PTPRD: variants seen among roughly 807,000 people sequenced by gnomAD.
PTPRD encodes protein tyrosine phosphatase receptor type D, also known as receptor-type tyrosine-protein phosphatase delta.
In PTPRD, 34 loss-of-function variants were observed where a neutral mutation model predicts 214.5. The observed-to-expected ratio is 0.16, with a 90% CI of 0.12 to 0.21. PTPRD has a LOEUF of 0.21. Among genes scored for constraint, PTPRD ranks in the 10% least tolerant of loss-of-function variants. PTPRD has a pLI of 1.00. For missense variants in PTPRD, 2,545 were observed against 2,398.7 expected, an observed-to-expected ratio of 1.06 and a Z score of -1.27; for synonymous variants, 1,128 against 845.7, an observed-to-expected ratio of 1.33 and a Z score of -5.79.
chr9:10,416,571 G>T (rs1242234640), intron 2 of PTPRD, among the ~76,000 whole-genome samples: 1 of 151,866 alleles, frequency 6.6e-6, no homozygotes, highest in Non-Finnish European at 1.5e-5. Context: ...AACAGCTTAT[G>T]AGAAAACAAA....
chr9:10,163,043 A>G (rs2099138668), intron 3 of PTPRD, among the ~76,000 whole-genome samples: 1 of 150,968 alleles, frequency 6.6e-6, no homozygotes, highest in Non-Finnish European at 1.5e-5. Flanking sequence ...AGAAAGAGAA[A>G]AACACACAAA....
intron 5 of PTPRD, among the ~76,000 whole-genome samples, chr9:9,881,381 C>G (rs1399253413): frequency 1.3e-5 from 2 of 152,078 alleles, no homozygotes; most frequent in African/African-American, 4.8e-5. Flanking sequence ...ATGAGTAATT[C>G]CTACTTCCCC....
intron 5 of PTPRD, among the ~76,000 whole-genome samples, chr9:9,786,126 A>T (rs535570592): frequency 6.6e-6 from 1 of 152,266 alleles, no homozygotes; most frequent in East Asian, 1.9e-4. Context: ...CTAACCTAAA[A>T]ATTTTTCATG....
intron 9 of PTPRD, among the ~76,000 whole-genome samples, chr9:9,319,667 C>T (rs376076008): frequency 6.6e-6 from 1 of 152,106 alleles, no homozygotes. Flanking sequence ...GTAGCTCTTA[C>T]GTAGTTCAGA....
intron 12 of PTPRD, among the ~76,000 whole-genome samples, chr9:8,645,914 C>T (rs1464526232): frequency 1.3e-5 from 2 of 152,018 alleles, no homozygotes; most frequent in Non-Finnish European, 2.9e-5. Flanking sequence ...TCAGCCTCCT[C>T]TTCTGCCTTC....
chr9:8,448,420 ACC>A (rs1287622833), intron 34 of PTPRD, among the ~76,000 whole-genome samples: 1 of 152,116 alleles, frequency 6.6e-6, no homozygotes, highest in African/African-American at 2.4e-5. Flanking sequence ...AAAAGCGCTG[ACC>A]CAATGAAATT....
intron 2 of PTPRD, among the ~76,000 whole-genome samples, chr9:10,566,757 C>T (rs944714088): frequency 1.8e-4 from 28 of 151,826 alleles, no homozygotes; most frequent in Admixed American, 1.8e-3. Context: ...TTTCCCTTAC[C>T]TTGAGTCATG....
At chr9:10,316,269 T>G (rs2154423143) in intron 3 of PTPRD, among the ~76,000 whole-genome samples, 1 of 151,452 alleles carries the variant, frequency 6.6e-6, no homozygotes, top group African/African-American at 2.4e-5. Flanking sequence ...CTATTCCCAA[T>G]AATTTAATAA....
intron 44 of PTPRD, among the ~76,000 whole-genome samples, chr9:8,324,016 A>G (rs1831039291): frequency 6.6e-6 from 1 of 152,094 alleles, no homozygotes; most frequent in African/African-American, 2.4e-5. Context: ...CCGCCCATCG[A>G]TTAGTCAGCA....
rs149063587 is a variant in PTPRD at position 9,448,898 on chromosome 9, C to T, written c.-236-51416G>A. On this transcript the variant is annotated intron_variant, in intron 8 of 45. Coordinates refer to ENST00000381196, the MANE Select transcript of PTPRD (RefSeq NM_002839.4). ...TCATTGCCTCGTCTTCCATCAGCAACTCACTAAGAAGCCAGTGAAAAAAGA... is the reference window on the plus strand; with the variant it reads ...TCATTGCCTCGTCTTCCATCAGCAATTCACTAAGAAGCCAGTGAAAAAAGA... Among the ~76,000 whole-genome samples, 1,217 of 152,124 alleles carry T rather than the reference C, an allele frequency of 8.0e-3. 7 individuals are homozygous for T. The highest frequency in any genetic ancestry group is 0.013 in the Non-Finnish European group (868 of 67,956).
At position 9,446,285 on chromosome 9, in the gene PTPRD, G is replaced by A. The variant is rs374124121; in HGVS notation, c.-236-48803C>T. 3.3e-5 allele frequency among the ~76,000 whole-genome samples: 5 copies of A among 152,138 alleles called. No homozygotes were observed. The East Asian group carries it at 5.8e-4, about 18-fold the overall frequency. ...AACTTATACATCTGTCCTCCCAAGT[G>A]TTGAGGATTTAATAGTGGCCTAAAG... On this transcript the variant is annotated intron_variant, in intron 8 of 45. Transcript: ENST00000381196.
At chr9:9,604,002 T>C (rs1443970318) in intron 7 of PTPRD, among the ~76,000 whole-genome samples, 1 of 152,156 alleles carries the variant, frequency 6.6e-6, no homozygotes, top group Non-Finnish European at 1.5e-5. Flanking sequence ...TTTTAAATTT[T>C]ATTTTTGCTG....
rs531106679 is a variant in PTPRD at position 10,605,587 on chromosome 9, C to T, written c.-600+6811G>A. ...AAGCAACACAGCTTCCACCTAGGTT[C>T]TAAAAGCAATAGCTGTGACTCAGGA... On this transcript the variant is annotated intron_variant, in intron 2 of 45. Transcript: ENST00000381196. 1.1e-4 allele frequency among the ~76,000 whole-genome samples: 16 copies of T among 151,770 alleles called. No homozygotes were observed. The East Asian group carries it at 3.1e-3, about 30-fold the overall frequency.
chr9:8,621,664 T>C (rs1317551269), intron 14 of PTPRD, among the ~76,000 whole-genome samples: 128 of 151,978 alleles, frequency 8.4e-4, no homozygotes, highest in Non-Finnish European at 1.6e-3. Context: ...CAGTGAGTGT[T>C]AACTTTATTA....
At chr9:9,722,094 TAC>T (rs1011654955) in intron 7 of PTPRD, among the ~76,000 whole-genome samples, 2 of 152,074 alleles carry the variant, frequency 1.3e-5, no homozygotes, top group Non-Finnish European at 2.9e-5. Context: ...AGATATATTT[TAC>T]ACACCATAAA....
At chr9:9,034,033 G>T (rs997226656) in intron 10 of PTPRD, among the ~76,000 whole-genome samples, 2 of 152,060 alleles carry the variant, frequency 1.3e-5, no homozygotes, top group Non-Finnish European at 2.9e-5. Flanking sequence ...AAGCACAGTA[G>T]AAATAAACTT....
intron 10 of PTPRD, among the ~76,000 whole-genome samples, chr9:9,135,712 T>C (rs1027801119): frequency 2.0e-5 from 3 of 152,210 alleles, no homozygotes; most frequent in African/African-American, 7.2e-5. Flanking sequence ...TGTGAGCATA[T>C]ATCCTATGTT....
At chr9:9,747,628 C>A (rs974739909) in intron 6 of PTPRD, among the ~76,000 whole-genome samples, 1 of 150,320 alleles carries the variant, frequency 6.7e-6, no homozygotes, top group Non-Finnish European at 1.5e-5. Flanking sequence ...CTCACTGCAA[C>A]CTTCGTCTCG....
chr9:10,224,952 T>C (rs1314645037), intron 3 of PTPRD, among the ~76,000 whole-genome samples: 1 of 152,096 alleles, frequency 6.6e-6, no homozygotes, highest in African/African-American at 2.4e-5. Context: ...TATGTGTTAA[T>C]TAACTGTTTA....
Sources: allele counts gnomAD v4.1 joint callset (sites outside exome capture counted in the v4.1 genomes callset), GRCh38; gene constraint gnomAD v4.1.1; transcripts MANE v1.5; gene names NCBI Gene and HGNC (gene_info 2026-07-23, HGNC 2026-07-21).